The following SEMA6A variants were observed in gnomAD, a reference collection of about 807,000 sequenced individuals.
SEMA6A encodes the protein semaphorin-6A.
A neutral mutation model predicts 96.8 loss-of-function variants in SEMA6A; 25 were observed. That is an observed-to-expected ratio of 0.26 (90% CI 0.19 to 0.36). The LOEUF (loss-of-function observed/expected upper bound fraction) is 0.36, where lower values mean the gene tolerates loss of function less well. Ranked by LOEUF, SEMA6A falls within the 10% of genes least tolerant of loss-of-function variation. SEMA6A has a pLI of 1.00. For synonymous variants in SEMA6A, 612 were observed against 518.0 expected (o/e 1.18, Z -2.46); for missense variants, 1,363 against 1,323.1 (o/e 1.03, Z -0.47).
Position 116,504,977 on chromosome 5 carries a change from T to C in SEMA6A, c.-33A>G, listed in dbSNP as rs970831361. 6.9e-7 allele frequency: 1 copy of C among 1,451,424 alleles called. No homozygotes were observed. Among genetic ancestry groups the C allele is most frequent in the Non-Finnish European group, 9.5e-7 (1 of 1,053,552 alleles). The allele number at this position is 1,451,424 out of a possible 1,614,324, so 89.9% of individuals were successfully genotyped here. On this transcript the variant is annotated 5_prime_UTR_variant, in exon 2 of 19. Coordinates refer to ENST00000343348, the MANE Select transcript of SEMA6A (RefSeq NM_020796.5). ...CAGCGGGGAGACTTTATTTCTCTAC[T>C]TCACCCTGCCAAAAAGTAAAGAACA... is the stretch of plus-strand genomic sequence containing the variant.
At chr5:116,491,177 G>A (rs1336891714) in intron 7 of SEMA6A, among the ~76,000 whole-genome samples, 1 of 152,168 alleles carries the variant, frequency 6.6e-6, no homozygotes, top group Non-Finnish European at 1.5e-5. Context: ...AGAGCTTCCA[G>A]AGGCTTCCTT....
In SEMA6A at chr5:116,495,384, T is replaced by C. The variant is rs758900647; in HGVS notation, c.444+29A>G. On this transcript the variant is annotated intron_variant, in intron 6 of 18. Coordinates refer to ENST00000343348, the MANE Select transcript of SEMA6A (RefSeq NM_020796.5). ...TAAATTATGAAATGCCTCCTGGCAG[T>C]GTGGTTCCAACCGACAAATAGCATT... 12 of 1,518,608 alleles carry C rather than the reference T, an allele frequency of 7.9e-6. No homozygotes were observed. The South Asian group carries it at 1.4e-4, about 18-fold the overall frequency. 94.1% of individuals were successfully genotyped at this position (1,518,608 alleles called of 1,614,324 possible).
chr5:116,489,746 A>T (rs1419210005), intron 7 of SEMA6A, among the ~76,000 whole-genome samples: 1 of 152,206 alleles, frequency 6.6e-6, no homozygotes, highest in African/African-American at 2.4e-5. Flanking sequence ...GGGAGATACG[A>T]TTGAGGGTAG....
intron 18 of SEMA6A, among the ~76,000 whole-genome samples, chr5:116,454,063 C>T (rs1052135984): frequency 6.6e-6 from 1 of 152,046 alleles, no homozygotes; most frequent in African/African-American, 2.4e-5. Context: ...CTGGACGGCC[C>T]GTTTCTGAGC....
At chr5:116,480,643 C>T (rs1756710053) in intron 11 of SEMA6A, among the ~76,000 whole-genome samples, 1 of 152,104 alleles carries the variant, frequency 6.6e-6, no homozygotes, top group African/African-American at 2.4e-5. Context: ...AGAGATTCCT[C>T]ATGCATTTAC....
At chr5:116,570,000 G>A (rs2112922727) in intron 1 of SEMA6A, among the ~76,000 whole-genome samples, 1 of 152,252 alleles carries the variant, frequency 6.6e-6, no homozygotes, top group East Asian at 1.9e-4. Context: ...CCCTCTATTG[G>A]TGTAAATGGA....
rs531199115 is a variant in SEMA6A at position 116,542,067 on chromosome 5, T to C, written c.-39+32118A>G. Among the ~76,000 whole-genome samples the C allele has an allele frequency of 1.5e-4, 23 of 152,360 alleles. No individual in the cohort carries two copies. The East Asian group carries it at 4.0e-3, about 27-fold the overall frequency. ...CTCTGTCCCTGCTGCTGGGACAGTA[T>C]CCTGGGGAACCATCAGGCATTTTGT... On this transcript the variant is annotated intron_variant, in intron 1 of 18. Transcript: ENST00000343348.
intron 13 of SEMA6A, 132 bp downstream of exon 13, chr5:116,478,410 A>G (rs34967): frequency 0.58 from 595,127 of 1,027,054 alleles, 175,970 homozygotes; most frequent in East Asian, 0.81. Flanking sequence ...TAGGTGTTAA[A>G]TTTTTACAAA....
intron 1 of SEMA6A, among the ~76,000 whole-genome samples, chr5:116,540,966 C>A (rs1759935552): frequency 6.6e-6 from 1 of 152,146 alleles, no homozygotes; most frequent in African/African-American, 2.4e-5. Context: ...CATCTCAAGA[C>A]AACAGAATTC....
At chr5:116,507,611 T>G (rs1758207432) in intron 1 of SEMA6A, among the ~76,000 whole-genome samples, 1 of 152,212 alleles carries the variant, frequency 6.6e-6, no homozygotes, top group Admixed American at 6.5e-5. Context: ...TACCCACATG[T>G]AGCATATTTA....
At chr5:116,456,464 G>C (rs145493613) in intron 18 of SEMA6A, among the ~76,000 whole-genome samples, 1 of 152,188 alleles carries the variant, frequency 6.6e-6, no homozygotes, top group African/African-American at 2.4e-5. Flanking sequence ...TTATTGGAAA[G>C]ACAATCAAAT....
chr5:116,488,801 A>G, intron 8 of SEMA6A, 87 bp downstream of exon 8: 1 of 1,388,290 alleles, frequency 7.2e-7, no homozygotes, highest in Non-Finnish European at 9.5e-7. Flanking sequence ...AAATGAAGAT[A>G]CAGTCTGGTC....
At position 116,510,417 on chromosome 5, in the gene SEMA6A, G is replaced by A. The variant is rs533301491; in HGVS notation, c.-38-5435C>T. Among the ~76,000 whole-genome samples, 9 of 152,256 alleles carry A rather than the reference G, an allele frequency of 5.9e-5. No individual in the cohort carries two copies. The South Asian group carries it at 1.9e-3, about 32-fold the overall frequency. On this transcript the variant is annotated intron_variant, in intron 1 of 18. Transcript: ENST00000343348. Reference sequence around the variant, plus strand: ...CAATAACATAGGAGAGCAGAAAAGAGCAGGGGGTGAAACCTGGGCTTTGAA... The same window carrying A: ...CAATAACATAGGAGAGCAGAAAAGAACAGGGGGTGAAACCTGGGCTTTGAA...
At chr5:116,568,733 C>A (rs13355323) in intron 1 of SEMA6A, among the ~76,000 whole-genome samples, 4,873 of 152,154 alleles carry the variant, frequency 0.032, 267 homozygotes, top group African/African-American at 0.11. Flanking sequence ...TGAACAGGCT[C>A]CAATCCATCA....
At position 116,453,182 on chromosome 5, in the gene SEMA6A, A is replaced by C. The variant is rs543858718; in HGVS notation, c.1895-5371T>G. 9.2e-5 allele frequency among the ~76,000 whole-genome samples: 14 copies of C among 152,306 alleles called. No homozygotes were observed. The South Asian group carries it at 2.7e-3, about 29-fold the overall frequency. ...CCTTCTAGTCTGTTAGGCTGGAGGCATGAGCCACCCTTCCATACTCAAGCT... is the reference window on the plus strand; with the variant it reads ...CCTTCTAGTCTGTTAGGCTGGAGGCCTGAGCCACCCTTCCATACTCAAGCT... On this transcript the variant is annotated intron_variant, in intron 18 of 18. Transcript: ENST00000343348.
chr5:116,569,642 A>G (rs1408461933), intron 1 of SEMA6A, among the ~76,000 whole-genome samples: 1 of 152,228 alleles, frequency 6.6e-6, no homozygotes, highest in Non-Finnish European at 1.5e-5. Context: ...TTTGAGGGCC[A>G]CAGAGGAGGA....
intron 1 of SEMA6A, among the ~76,000 whole-genome samples, chr5:116,520,678 T>C (rs1023194432): frequency 2.0e-5 from 3 of 152,168 alleles, no homozygotes; most frequent in Non-Finnish European, 2.9e-5. Flanking sequence ...GCAGCCCCTG[T>C]AACACACACA....
chr5:116,501,724 C>A (rs560157800), intron 3 of SEMA6A, among the ~76,000 whole-genome samples: 2 of 152,120 alleles, frequency 1.3e-5, no homozygotes, highest in South Asian at 4.1e-4. Context: ...CCTGTCTCTA[C>A]TAAAAATACC....
chr5:116,463,980 T>C (rs1370502030), intron 18 of SEMA6A, among the ~76,000 whole-genome samples: 7 of 152,184 alleles, frequency 4.6e-5, no homozygotes, highest in Non-Finnish European at 1.0e-4. Flanking sequence ...CTTTAAAGTA[T>C]TGTTACTTTT....
Sources: allele counts gnomAD v4.1 joint callset (sites outside exome capture counted in the v4.1 genomes callset), GRCh38; gene constraint gnomAD v4.1.1; transcripts MANE v1.5; gene names NCBI Gene and HGNC (gene_info 2026-07-23, HGNC 2026-07-21).